Variants in EGLN3 observed in about 807,000 individuals in gnomAD.
EGLN3 encodes egl-9 family hypoxia inducible factor 3.
Under a neutral mutation model 26.0 loss-of-function variants are expected in EGLN3, and 15 were observed. The observed-to-expected ratio is 0.58, with a 90% confidence interval of 0.39 to 0.89. The LOEUF is 0.89. EGLN3 is among the 40% of genes least tolerant of loss of function. The pLI, the probability that EGLN3 is intolerant of heterozygous loss-of-function variation, is 0.00. For missense variants in EGLN3, 238 were observed against 311.6 expected (o/e 0.76, Z 1.78); for synonymous variants, 147 against 127.2 (o/e 1.16, Z -1.05).
intron 1 of EGLN3, among the ~76,000 whole-genome samples, chr14:33,934,143 C>T (rs527357659): frequency 1.1e-3 from 170 of 152,174 alleles, no homozygotes; most frequent in African/African-American, 3.8e-3. Flanking sequence ...ACACATTTAC[C>T]GCTCTGTCCA....
At chr14:33,927,081 A>G in intron 3 of EGLN3, 48 bp from the exon 4 acceptor site, 1 of 1,366,558 alleles carries the variant, frequency 7.3e-7, no homozygotes, top group Non-Finnish European at 9.9e-7. Context: ...TGGTACTACT[A>G]GAAACACAAA....
chr14:33,947,136 T>A (rs2138828878), intron 1 of EGLN3, among the ~76,000 whole-genome samples: 1 of 152,326 alleles, frequency 6.6e-6, no homozygotes, highest in African/African-American at 2.4e-5. Context: ...AAATTATACA[T>A]TCTCTGGAAA....
In EGLN3 at chr14:33,931,122, A is replaced by T; in HGVS notation, c.451T>A (p.Tyr151Asn). The T allele has an allele frequency of 6.2e-7, 1 of 1,614,200 alleles. No homozygotes were observed. Among genetic ancestry groups the T allele is most frequent in the Non-Finnish European group, 8.5e-7 (1 of 1,180,024 alleles). Reference protein sequence around the residue: ...GDGRCITCIYYLNKNWDAKLH... With the variant: ...GDGRCITCIYNLNKNWDAKLH... The stretch of plus-strand genomic sequence containing the variant: ...TTGGCATCCCAATTCTTGTTCAGAT[A>T]GTAGATGCAGGTGATGCAGCGACCA... The change falls in exon 2 of 5, where the codon TAT (tyrosine) becomes AAT (asparagine). Residue 151 changes from tyrosine (Y) to asparagine (N), a missense_variant. Transcript: ENST00000250457.
intron 1 of EGLN3, among the ~76,000 whole-genome samples, chr14:33,946,095 C>A (rs564861362): frequency 1.9e-4 from 29 of 152,282 alleles, no homozygotes; most frequent in African/African-American, 6.5e-4. Context: ...ACAGTAGAAG[C>A]CGGGCGCGGT....
At chr14:33,939,845 T>A (rs142843638) in intron 1 of EGLN3, among the ~76,000 whole-genome samples, 2 of 152,138 alleles carry the variant, frequency 1.3e-5, no homozygotes, top group African/African-American at 4.8e-5. Context: ...GAGTGTGAGG[T>A]CTTAAGACGT....
intron 3 of EGLN3, among the ~76,000 whole-genome samples, chr14:33,928,101 C>G (rs559318828): frequency 6.6e-5 from 10 of 152,036 alleles, no homozygotes; most frequent in Non-Finnish European, 8.8e-5. Flanking sequence ...TGGGGAATAA[C>G]CAAAGACTTC....
rs775773664 is a variant in EGLN3, at chr14:33,950,448, A to G, written c.305T>C (p.Val102Ala). Residue 102 changes from valine (V) to alanine (A), a missense_variant, in exon 1 of 5, where the codon GTC (valine) becomes GCC (alanine). Physicochemically the swap from Val to Ala is moderately conservative, Grantham distance 64. Coordinates refer to ENST00000250457, the MANE Select transcript of EGLN3 (RefSeq NM_022073.4). ...SFLLSLIDRL[V>A]LYCGSRLGKY... ...GCCCAGCCGGCTCCCGCAGTAGAGG[A>G]CCAGCCTGTCGATGAGGGACAGGAG... The G allele has an allele frequency of 2.5e-6, 4 of 1,613,058 alleles. No homozygotes were observed. In the African/African-American group the frequency reaches 4.0e-5, roughly 16 times the overall value.
intron 1 of EGLN3, among the ~76,000 whole-genome samples, chr14:33,932,511 G>A (rs1203028754): frequency 6.6e-6 from 1 of 152,056 alleles, no homozygotes; most frequent in East Asian, 1.9e-4. Context: ...ACTCTCAATA[G>A]TAGCATGAAA....
chr14:33,927,137 T>C, intron 3 of EGLN3, 104 bp from the exon 4 acceptor site: 1 of 478,720 alleles, frequency 2.1e-6, no homozygotes, highest in Non-Finnish European at 3.4e-6. Context: ...TTCTCTATTA[T>C]TAGAAGTCTA....
chr14:33,951,014 G>T lies in EGLN3; in HGVS notation c.-262C>A, dbSNP rs1036013042. ...GGACTGGCCCGGCGAGCAGTGCGGC[G>T]CAAGGAGTCGGAGGGCGCCTTTTGG... is the stretch of plus-strand genomic sequence containing the variant. On this transcript the variant is annotated 5_prime_UTR_variant, in exon 1 of 5. Coordinates refer to ENST00000250457, the MANE Select transcript of EGLN3 (RefSeq NM_022073.4). 10 of 486,084 alleles carry T rather than the reference G, an allele frequency of 2.1e-5. No individual in the cohort carries two copies. Among genetic ancestry groups the T allele is most frequent in the Non-Finnish European group, 3.6e-5 (10 of 275,992 alleles). 30.1% of individuals were successfully genotyped at this position (486,084 alleles called of 1,614,324 possible).
At chr14:33,936,323 A>G (rs920533507) in intron 1 of EGLN3, among the ~76,000 whole-genome samples, 5 of 152,198 alleles carry the variant, frequency 3.3e-5, no homozygotes, top group Non-Finnish European at 7.4e-5. Flanking sequence ...ACTCATCACA[A>G]TGTAGACTGT....
chr14:33,930,086 T>C (rs1294614520), intron 2 of EGLN3, among the ~76,000 whole-genome samples: 4 of 152,206 alleles, frequency 2.6e-5, no homozygotes, highest in East Asian at 1.9e-4. Flanking sequence ...AGAATAACCA[T>C]ATTCAGAGTA....
At chr14:33,949,908 C>G in intron 1 of EGLN3, 1 of 222,656 alleles carries the variant, frequency 4.5e-6, no homozygotes, top group Non-Finnish European at 8.8e-6. Flanking sequence ...CTCCACAAAC[C>G]AACTGCCACA....
At chr14:33,929,640 C>A (rs1454624138) in intron 2 of EGLN3, among the ~76,000 whole-genome samples, 1 of 152,198 alleles carries the variant, frequency 6.6e-6, no homozygotes, top group African/African-American at 2.4e-5. Flanking sequence ...GCATGAGCCA[C>A]CACGCCCAGC....
intron 2 of EGLN3, among the ~76,000 whole-genome samples, 159 bp downstream of exon 2, chr14:33,930,937 T>C (rs965888469): frequency 6.6e-6 from 1 of 152,226 alleles, no homozygotes; most frequent in Non-Finnish European, 1.5e-5. Flanking sequence ...ACTTTAGGAC[T>C]AATTCCATTG....
At chr14:33,948,408 G>A (rs1416515789) in intron 1 of EGLN3, 1 of 152,184 alleles carries the variant, frequency 6.6e-6, no homozygotes, top group Non-Finnish European at 1.5e-5. Context: ...TATTCCAATC[G>A]AAAGGTGATT....
At chr14:33,931,441 C>A in intron 1 of EGLN3, 1 of 549,946 alleles carries the variant, frequency 1.8e-6, no homozygotes, top group Non-Finnish European at 3.2e-6. Flanking sequence ...CAACAATATT[C>A]CCACAGTTCT....
chr14:33,943,048 CA>C (rs1465538177), intron 1 of EGLN3, among the ~76,000 whole-genome samples: 1 of 152,066 alleles, frequency 6.6e-6, no homozygotes, highest in Non-Finnish European at 1.5e-5. Flanking sequence ...ACAGACTCAC[CA>C]AAAACAGGGA....
intron 3 of EGLN3, among the ~76,000 whole-genome samples, chr14:33,928,145 A>T (rs577451064): frequency 6.6e-6 from 1 of 152,214 alleles, no homozygotes; most frequent in Non-Finnish European, 1.5e-5. Flanking sequence ...TACATACCCC[A>T]TAAAACACAA....
Sources: gnomAD v4.1 joint callset for allele counts (sites outside exome capture counted in the v4.1 genomes callset) on GRCh38, gnomAD v4.1.1 for gene constraint, MANE v1.5 for transcripts, NCBI Gene and HGNC (gene_info 2026-07-23, HGNC 2026-07-21) for gene names.